Variants in KCNK4 observed in about 807,000 individuals in gnomAD.
The protein encoded by KCNK4 is potassium two pore domain channel subfamily K member 4, also known as potassium channel subfamily K member 4.
Under a neutral mutation model 28.8 loss-of-function variants are expected in KCNK4, and 22 were observed. That is an observed-to-expected ratio of 0.76 (90% CI 0.55 to 1.09). KCNK4 has a LOEUF of 1.09. KCNK4 is among the 50% of genes least tolerant of loss of function. The pLI is 0.00. For missense variants in KCNK4, 483 were observed against 546.3 expected, an observed-to-expected ratio of 0.88 and a Z score of 1.15; for synonymous variants, 263 against 252.9, an observed-to-expected ratio of 1.04 and a Z score of -0.38.
In KCNK4 at chr11:64,299,974, A is replaced by G. The variant is rs1030365361; in HGVS notation, c.*248A>G. 1.5e-6 allele frequency: 1 copy of G among 657,214 alleles called. No homozygotes were observed. Among genetic ancestry groups the G allele is most frequent in the Non-Finnish European group, 2.6e-6 (1 of 388,170 alleles). The allele number at this position is 657,214 out of a possible 1,614,324, so 40.7% of individuals were successfully genotyped here. A position where few individuals can be genotyped will look rare whatever the true frequency, so the allele number is the denominator to read the frequency against. On this transcript the variant is annotated 3_prime_UTR_variant, in exon 7 of 7. Transcript: ENST00000422670. ...TCACAGCACCTCACGACTGTGCCTC[A>G]AAGCCTGCATCAATAAATGAAAACG...
chr11:64,292,825 G>A (rs972749649), intron 1 of KCNK4, 117 bp from the exon 2 acceptor site: 13 of 1,148,204 alleles, frequency 1.1e-5, no homozygotes, highest in East Asian at 3.1e-5. Flanking sequence ...CCAGAGGGAT[G>A]TCTGTGGACA....
intron 6 of KCNK4, among the ~76,000 whole-genome samples, chr11:64,299,050 G>GAAAA (rs56097945): frequency 1.4e-4 from 12 of 85,070 alleles, no homozygotes; most frequent in African/African-American, 4.2e-4. Flanking sequence ...AAAAAAAGAA[G>GAAAA]AAAAAAAAAA....
rs2034822313 is a variant in KCNK4 at position 64,298,109 on chromosome 11, G to T, written c.662-1G>T. 6.2e-7 allele frequency: 1 copy of T among 1,613,150 alleles called. No individual in the cohort carries two copies. The highest frequency in any genetic ancestry group is 8.5e-7 in the Non-Finnish European group (1 of 1,179,896). ...TTCTACCTTCCCTGGTGGTATCCCA[G>T]GCGCGGACCCCAGGCAGGACTCCCC... is the stretch of plus-strand genomic sequence containing the variant. On this transcript the variant is annotated splice_acceptor_variant, in intron 5 of 6. Transcript: ENST00000422670. LOFTEE classifies it high-confidence loss of function.
chr11:64,299,451 C>T lies in KCNK4; in HGVS notation c.907C>T (p.Leu303=), dbSNP rs1379141010. 6.2e-7 allele frequency: 1 copy of T among 1,601,138 alleles called. No homozygotes were observed. The highest frequency in any genetic ancestry group is 8.5e-7 in the Non-Finnish European group (1 of 1,175,798). Residue 303 remains leucine (L), a synonymous_variant, in exon 7 of 7, where the codon CTG becomes TTG. Coordinates refer to ENST00000422670, the MANE Select transcript of KCNK4 (RefSeq NM_033310.3). ...AAPPPEKEQP[L]LPPPPCPAQP... ...CCCGCCGCCGGAGAAGGAGCAGCCA[C>T]TGCTGCCTCCACCGCCCTGTCCAGC...
intron 6 of KCNK4, among the ~76,000 whole-genome samples, chr11:64,298,977 G>T (rs1281127596): frequency 6.8e-6 from 1 of 147,016 alleles, no homozygotes; most frequent in African/African-American, 2.5e-5. Flanking sequence ...GGAGGCAGAG[G>T]TTGCAGTGAG....
In KCNK4 at chr11:64,291,507, C is replaced by G. The variant is rs1454286334; in HGVS notation, c.-137C>G. 1.3e-5 allele frequency: 2 copies of G among 152,586 alleles called. No individual in the cohort carries two copies. Among genetic ancestry groups the G allele is most frequent in the Non-Finnish European group, 2.9e-5 (2 of 68,322 alleles). 9.5% of individuals were successfully genotyped at this position (152,586 alleles called of 1,614,324 possible). A position where few individuals can be genotyped will look rare whatever the true frequency, so the allele number is the denominator to read the frequency against. ...GCTGGCCCCTGCTGCAACCCCTCTC[C>G]GGCTCCTCTGCCACCCACCTCCCGG... On this transcript the variant is annotated 5_prime_UTR_variant, in exon 1 of 7. Coordinates refer to ENST00000422670, the MANE Select transcript of KCNK4 (RefSeq NM_033310.3).
intron 5 of KCNK4, 116 bp from the exon 6 acceptor site, chr11:64,297,994 C>A (rs2034818370): frequency 1.6e-6 from 2 of 1,220,442 alleles, no homozygotes; most frequent in South Asian, 1.5e-5. Flanking sequence ...CAAGCACATA[C>A]CCATTGCCCT....
In KCNK4 at chr11:64,299,674, CCG is replaced by C; in HGVS notation, c.1131_1132del (p.Val378AlafsTer49). 1 of 1,595,200 alleles carries C rather than the reference CCG, an allele frequency of 6.3e-7. No homozygotes were observed. Among genetic ancestry groups the C allele is most frequent in the East Asian group, 2.3e-5 (1 of 44,156 alleles). ...CGCCGCCCAAATCCCCCCAGGAAGC[CCG>C]TGCGGCCCCGCGGCCCCGGGCGTCC... On this transcript the variant is annotated frameshift_variant, in exon 7 of 7. Coordinates refer to ENST00000422670, the MANE Select transcript of KCNK4 (RefSeq NM_033310.3). LOFTEE classifies it high-confidence loss of function.
chr11:64,293,955 T>C (rs1370784073), intron 2 of KCNK4, among the ~76,000 whole-genome samples: 2 of 152,166 alleles, frequency 1.3e-5, no homozygotes, highest in Non-Finnish European at 2.9e-5. Flanking sequence ...GTTTGCTAAA[T>C]CTGGCAACCC....
In KCNK4 at chr11:64,297,625, C is replaced by T. The variant is rs2034809181; in HGVS notation, c.633C>T (p.Thr211=). ...EAIYFVIVTL[T]TVGFGDYVAG... is the part of the protein sequence containing the mutation. ...TCTACTTTGTCATAGTGACGCTTACCACCGTGGGCTTTGGCGACTATGTGG... is the reference window on the plus strand; with the variant it reads ...TCTACTTTGTCATAGTGACGCTTACTACCGTGGGCTTTGGCGACTATGTGG... The change falls in exon 5 of 7, where the codon ACC becomes ACT. Residue 211 remains threonine (T), a synonymous_variant. Transcript: ENST00000422670. The T allele has an allele frequency of 1.2e-6, 2 of 1,612,552 alleles. No homozygotes were observed. The highest frequency in any genetic ancestry group is 1.7e-6 in the Non-Finnish European group (2 of 1,178,730).
At chr11:64,295,857 T>C (rs1026740384) in intron 2 of KCNK4, among the ~76,000 whole-genome samples, 1 of 152,074 alleles carries the variant, frequency 6.6e-6, no homozygotes, top group African/African-American at 2.4e-5. Context: ...AGGTGCTTTA[T>C]GATACGCCCC....
intron 4 of KCNK4, 81 bp downstream of exon 4, chr11:64,297,360 C>G: frequency 2.5e-6 from 4 of 1,574,602 alleles, no homozygotes; most frequent in Non-Finnish European, 3.5e-6. Context: ...GAGCGCGCCC[C>G]CAAAGACCAT....
chr11:64,291,941 C>T, intron 1 of KCNK4: 1 of 828,688 alleles, frequency 1.2e-6, no homozygotes, highest in South Asian at 2.1e-5. Flanking sequence ...CGAGGCGTCG[C>T]TGTGCGGACG....
At position 64,299,908 on chromosome 11, in the gene KCNK4, C is replaced by G; in HGVS notation, c.*182C>G. The G allele has an allele frequency of 8.3e-7, 1 of 1,204,058 alleles. No individual in the cohort carries two copies. Among genetic ancestry groups the G allele is most frequent in the Middle Eastern group, 2.0e-4 (1 of 4,952 alleles). 74.6% of individuals were successfully genotyped at this position (1,204,058 alleles called of 1,614,324 possible). A position where few individuals can be genotyped will look rare whatever the true frequency, so the allele number is the denominator to read the frequency against. ...TCACTTCCATCCATCTCTAGACCCC[C>G]CCAAGGCTTTCTGTGTCGCTGCCCC... On this transcript the variant is annotated 3_prime_UTR_variant, in exon 7 of 7. Coordinates refer to ENST00000422670, the MANE Select transcript of KCNK4 (RefSeq NM_033310.3).
chr11:64,297,402 G>A (rs1591229110), intron 4 of KCNK4, 65 bp from the exon 5 acceptor site: 1 of 1,589,502 alleles, frequency 6.3e-7, no homozygotes, highest in East Asian at 2.2e-5. Flanking sequence ...GGGGGCGGGA[G>A]TGGGGAGTAT....
Position 64,296,879 on chromosome 11 carries a change from A to T in KCNK4, c.191A>T (p.Glu64Val). ...CTCCTTCTGCACCTTGTCCTGCAGG[A>T]GGTGGCTGATGCCCTGGGAGGGGGT... Reference protein sequence around the residue: ...SDQELGLLIKEVADALGGGAD... With the variant: ...SDQELGLLIKVVADALGGGAD... The change falls in exon 3 of 7, where the codon GAG becomes GTG. Residue 64 changes from glutamate to valine, a missense_variant and splice_region_variant. Coordinates refer to ENST00000422670, the MANE Select transcript of KCNK4 (RefSeq NM_033310.3). 1 of 1,510,064 alleles carries T rather than the reference A, an allele frequency of 6.6e-7. No homozygotes were observed. The highest frequency in any genetic ancestry group is 8.8e-7 in the Non-Finnish European group (1 of 1,130,982). The allele number at this position is 1,510,064 out of a possible 1,614,324, so 93.5% of individuals were successfully genotyped here. A position where few individuals can be genotyped will look rare whatever the true frequency, so the allele number is the denominator to read the frequency against.
chr11:64,299,706 G>A lies in KCNK4; in HGVS notation c.1162G>A (p.Asp388Asn). The A allele has an allele frequency of 4.5e-6, 7 of 1,561,136 alleles. No individual in the cohort carries two copies. The highest frequency in any genetic ancestry group is 6.1e-6 in the Non-Finnish European group (7 of 1,155,708). Reference sequence around the variant, plus strand: ...GCCCCGCGGCCCCGGGCGTCCCCGAGACAAAGGCGTGCCGGTGTAGGGGCA... The same window carrying A: ...GCCCCGCGGCCCCGGGCGTCCCCGAAACAAAGGCGTGCCGGTGTAGGGGCA... ...VRPRGPGRPR[D>N]KGVPV Residue 388 changes from aspartate to asparagine, a missense_variant, in exon 7 of 7, where the codon GAC (aspartate) becomes AAC (asparagine). By Grantham distance (23) the Asp-to-Asn change is conservative. Transcript: ENST00000422670.
chr11:64,297,802 C>A, intron 5 of KCNK4, 149 bp downstream of exon 5: 1 of 822,248 alleles, frequency 1.2e-6, no homozygotes, highest in Non-Finnish European at 1.9e-6. Context: ...TGCACACACA[C>A]CAGCGCCTTA....
intron 1 of KCNK4, chr11:64,291,956 G>T: frequency 1.0e-6 from 1 of 958,550 alleles, no homozygotes; most frequent in Non-Finnish European, 1.3e-6. Flanking sequence ...CGGACGCGGG[G>T]GAGGCGGTGG....
Sources: gnomAD v4.1 joint callset for allele counts (sites outside exome capture counted in the v4.1 genomes callset) on GRCh38, gnomAD v4.1.1 for gene constraint, MANE v1.5 for transcripts, NCBI Gene and HGNC (gene_info 2026-07-23, HGNC 2026-07-21) for gene names.